The following MSN variants were observed in gnomAD, a reference collection of about 807,000 sequenced individuals.
MSN encodes moesin.
Under a neutral mutation model 48.0 loss-of-function variants are expected in MSN, and 2 were observed. The observed-to-expected ratio is 0.04, with a 90% CI of 0.02 to 0.13. MSN has a LOEUF of 0.13. Among genes scored for constraint, MSN ranks in the 10% least tolerant of loss-of-function variants. The pLI, the probability that MSN is intolerant of heterozygous loss-of-function variation, is 1.00. For synonymous variants in MSN, 146 were observed against 166.9 expected, an observed-to-expected ratio of 0.87 and a Z score of 0.97; for missense variants, 267 against 470.1, an observed-to-expected ratio of 0.57 and a Z score of 3.99.
chrX:65,617,046 A>G lies in MSN; in HGVS notation c.-22+28434A>G, dbSNP rs12688936. Among the ~76,000 whole-genome samples the G allele has an allele frequency of 2.8e-5, 3 of 107,944 alleles. No homozygotes were observed. The South Asian group carries it at 1.2e-3, about 42-fold the overall frequency. 93.7% of individuals were successfully genotyped at this position (107,944 alleles called of 115,157 possible). ...ATATATTGAACCAGCCTTGCCTCCC[A>G]GGGATGAAGCCCACTTGATCATGGT... On this transcript the variant is annotated intron_variant, in intron 1 of 3. Transcript: ENST00000609672.
In MSN at chrX:65,738,472, G is replaced by A. The variant is rs753704599; in HGVS notation, c.1252-53G>A. On this transcript the variant is annotated intron_variant, in intron 10 of 12. Transcript: ENST00000360270. ...CAGGGGACTTGGGTTGAAGACACCTGGGTCCTGAGGACCAGAAGGCCCAGC... is the reference window on the plus strand; with the variant it reads ...CAGGGGACTTGGGTTGAAGACACCTAGGTCCTGAGGACCAGAAGGCCCAGC... The A allele has an allele frequency of 3.6e-6, 4 of 1,100,417 alleles. No individual in the cohort carries two copies. In the African/African-American group the frequency reaches 5.5e-5, roughly 15 times the overall value. The allele number at this position is 1,100,417 out of a possible 1,213,427, so 90.7% of individuals were successfully genotyped here.
chrX:65,692,681 T>C (rs184043950), intron 1 of MSN, among the ~76,000 whole-genome samples: 108 of 111,844 alleles, frequency 9.7e-4, no homozygotes, highest in Admixed American at 1.7e-3. Flanking sequence ...GGTTTTTGTT[T>C]GTTTTGTTTT....
chrX:65,667,913 T>C, intron 1 of MSN, 60 bp downstream of exon 1: 8 of 1,146,002 alleles, frequency 7.0e-6, no homozygotes, highest in Non-Finnish European at 8.3e-6. Context: ...TCATAGCCCT[T>C]TGCTGATGGC....
upstream of MSN, among the ~76,000 whole-genome samples, chrX:65,664,773 A>T (rs1602765640): frequency 1.1e-5 from 1 of 93,962 alleles, no homozygotes; most frequent in Non-Finnish European, 2.1e-5. Flanking sequence ...TTTTTAAGAC[A>T]GTGTTTTGCT....
chrX:65,675,105 G>T (rs2070984247), intron 1 of MSN, among the ~76,000 whole-genome samples: 1 of 111,959 alleles, frequency 8.9e-6, no homozygotes, highest in Admixed American at 9.5e-5. Flanking sequence ...AGATGGGATG[G>T]ATAAGAAAGA....
In MSN at chrX:65,630,190, A is replaced by G. The variant is rs1016404195; in HGVS notation, c.-22+41578A>G. 1.1e-4 allele frequency among the ~76,000 whole-genome samples: 12 copies of G among 110,058 alleles called. No homozygotes were observed. The East Asian group carries it at 3.4e-3, about 31-fold the overall frequency. On this transcript the variant is annotated intron_variant, in intron 1 of 3. Coordinates refer to the MSN transcript ENST00000609672. ...CGAGCCTTTGACTCAAAAAAAAAAA[A>G]AGTGTACAATTCATTGGCTTTTAGT...
chrX:65,620,980 T>C (rs1186835679), intron 1 of MSN, among the ~76,000 whole-genome samples: 2 of 108,610 alleles, frequency 1.8e-5, no homozygotes, highest in Non-Finnish European at 3.8e-5. Flanking sequence ...GGCTGGAGTG[T>C]AGTGGTGTGA....
intron 1 of MSN, among the ~76,000 whole-genome samples, chrX:65,697,944 G>C (rs1339586152): frequency 1.8e-5 from 2 of 111,965 alleles, no homozygotes; most frequent in African/African-American, 3.3e-5. Flanking sequence ...ATTTACTGTA[G>C]ATTATTCAGT....
At chrX:65,640,192 C>G (rs768089708) in intron 1 of MSN, among the ~76,000 whole-genome samples, 3 of 111,802 alleles carry the variant, frequency 2.7e-5, no homozygotes, top group Admixed American at 9.5e-5. Flanking sequence ...CACCCCACCT[C>G]CCTGAATCTG....
At chrX:65,683,390 G>A (rs1180102766) in intron 1 of MSN, among the ~76,000 whole-genome samples, 1 of 92,417 alleles carries the variant, frequency 1.1e-5, no homozygotes, top group Non-Finnish European at 2.0e-5. Context: ...TGTTGCCGCC[G>A]CCGCCACCAC....
At chrX:65,647,558 T>G (rs1176946517) in intron 1 of MSN, among the ~76,000 whole-genome samples, 3 of 112,160 alleles carry the variant, frequency 2.7e-5, no homozygotes, top group Non-Finnish European at 5.6e-5. Context: ...TGACATATGG[T>G]GGGTTTTAGA....
At chrX:65,665,498 C>T (rs749536190), upstream of MSN, among the ~76,000 whole-genome samples, 3 of 111,649 alleles carry the variant, frequency 2.7e-5, no homozygotes, top group African/African-American at 9.8e-5. Flanking sequence ...TACCCTAGCA[C>T]ACATCAATGA....
At chrX:65,615,964 C>T (rs1324787368) in intron 1 of MSN, among the ~76,000 whole-genome samples, 10 of 110,784 alleles carry the variant, frequency 9.0e-5, no homozygotes, top group South Asian at 3.8e-4. Context: ...AAATAGGGAA[C>T]CCTTTCCCCA....
At chrX:65,604,365 C>G (rs926817181) in intron 1 of MSN, among the ~76,000 whole-genome samples, 5 of 111,534 alleles carry the variant, frequency 4.5e-5, no homozygotes, top group African/African-American at 1.6e-4. Context: ...GAGAAGAGTG[C>G]AGGGTTAGAG....
intron 1 of MSN, among the ~76,000 whole-genome samples, chrX:65,599,227 A>G (rs758628403): frequency 6.6e-4 from 73 of 111,299 alleles, no homozygotes; most frequent in African/African-American, 2.3e-3. Context: ...CCTGGGAGGC[A>G]GAGGTTGCAG....
In MSN at chrX:65,724,966, C is replaced by T. The variant is rs762455477; in HGVS notation, c.97-2848C>T. 9.8e-5 allele frequency among the ~76,000 whole-genome samples: 11 copies of T among 111,857 alleles called. No individual in the cohort carries two copies. The South Asian group carries it at 1.1e-3, about 11-fold the overall frequency. On this transcript the variant is annotated intron_variant, in intron 2 of 12. Transcript: ENST00000360270. ...CCTCCCAAAGTGCTGGGATTATAAG[C>T]GTGAGCCAACACGCCCAGCCCATTT...
chrX:65,631,475 A>G (rs1281199719), intron 1 of MSN, among the ~76,000 whole-genome samples: 1 of 111,824 alleles, frequency 8.9e-6, no homozygotes, highest in East Asian at 2.8e-4. Flanking sequence ...TGTTATATGA[A>G]TGGATTCTTA....
intron 1 of MSN, among the ~76,000 whole-genome samples, chrX:65,661,210 C>T (rs756203381): frequency 8.1e-4 from 91 of 111,739 alleles, no homozygotes; most frequent in African/African-American, 1.2e-3. Context: ...GTGATCCAAC[C>T]GCCTCAGTCT....
intron 1 of MSN, among the ~76,000 whole-genome samples, chrX:65,690,501 C>T (rs989013441): frequency 8.9e-6 from 1 of 111,758 alleles, no homozygotes; most frequent in Non-Finnish European, 1.9e-5. Flanking sequence ...AGTTCACCGT[C>T]TGGGCGTGAG....
Sources: gnomAD v4.1 joint callset for allele counts (sites outside exome capture counted in the v4.1 genomes callset) on GRCh38, gnomAD v4.1.1 for gene constraint, MANE v1.5 for transcripts, NCBI Gene and HGNC (gene_info 2026-07-23, HGNC 2026-07-21) for gene names.